Variants in GALNT7 observed in about 807,000 individuals in gnomAD.
The protein encoded by GALNT7 is polypeptide N-acetylgalactosaminyltransferase 7.
In GALNT7, 60 loss-of-function variants were observed where a neutral mutation model predicts 82.1. That is an observed-to-expected ratio of 0.73 (90% CI 0.59 to 0.91). The LOEUF (loss-of-function observed/expected upper bound fraction) is 0.91, where lower values mean the gene tolerates loss of function less well. Ranked by LOEUF, GALNT7 falls within the 40% of genes least tolerant of loss-of-function variation. GALNT7 has a pLI of 0.00. For missense variants in GALNT7, 660 were observed against 804.2 expected, an observed-to-expected ratio of 0.82 and a Z score of 2.17; for synonymous variants, 243 against 275.1, an observed-to-expected ratio of 0.88 and a Z score of 1.15.
intron 1 of GALNT7, among the ~76,000 whole-genome samples, chr4:173,242,820 C>A (rs889258785): frequency 1.3e-5 from 2 of 152,200 alleles, no homozygotes; most frequent in African/African-American, 4.8e-5. Flanking sequence ...TTTATTTTTA[C>A]CACCTCCCTC....
chr4:173,257,440 A>G (rs564996701), intron 2 of GALNT7, among the ~76,000 whole-genome samples: 132 of 152,366 alleles, frequency 8.7e-4, no homozygotes, highest in African/African-American at 3.0e-3. Flanking sequence ...GGTATATCAT[A>G]AATAGATTTA....
intron 1 of GALNT7, among the ~76,000 whole-genome samples, chr4:173,179,949 CT>C (rs770866106): frequency 2.6e-5 from 4 of 152,112 alleles, no homozygotes; most frequent in Admixed American, 2.6e-4. Context: ...ATTTTATATA[CT>C]TTTTATTAAC....
chr4:173,321,075 A>C lies in GALNT7; in HGVS notation c.1837-505A>C, dbSNP rs140630427. Among the ~76,000 whole-genome samples the C allele has an allele frequency of 1.1e-4, 16 of 152,288 alleles. No individual in the cohort carries two copies. The East Asian group carries it at 3.1e-3, about 29-fold the overall frequency. ...TACAGACCCAATCCTGGATAGTCTG[A>C]GGACCAGACTTTGAGAAGCTCTGAG... is the stretch of plus-strand genomic sequence containing the variant. On this transcript the variant is annotated intron_variant, in intron 11 of 11. Transcript: ENST00000265000.
chr4:173,305,334 C>A (rs1028534322), intron 8 of GALNT7, among the ~76,000 whole-genome samples: 1 of 152,174 alleles, frequency 6.6e-6, no homozygotes, highest in African/African-American at 2.4e-5. Flanking sequence ...CGGATATTAG[C>A]CCTTACCAGA....
chr4:173,201,161 C>A, intron 1 of GALNT7, among the ~76,000 whole-genome samples: 1 of 152,194 alleles, frequency 6.6e-6, no homozygotes, highest in African/African-American at 2.4e-5. Flanking sequence ...TTACATAAGA[C>A]CTTTTAGAAT....
At chr4:173,211,598 G>T (rs1478049013) in intron 1 of GALNT7, among the ~76,000 whole-genome samples, 2 of 152,196 alleles carry the variant, frequency 1.3e-5, no homozygotes, top group Non-Finnish European at 2.9e-5. Flanking sequence ...GGAGTTTCAA[G>T]TTACTCTTTA....
chr4:173,181,783 A>G (rs1732258320), intron 1 of GALNT7, among the ~76,000 whole-genome samples: 1 of 152,222 alleles, frequency 6.6e-6, no homozygotes, highest in Admixed American at 6.5e-5. Flanking sequence ...GTCAAAATAC[A>G]TATATACTGT....
chr4:173,178,273 A>G (rs1023276778), intron 1 of GALNT7, among the ~76,000 whole-genome samples: 1 of 152,170 alleles, frequency 6.6e-6, no homozygotes, highest in African/African-American at 2.4e-5. Flanking sequence ...TTTTTAGTAC[A>G]TTAATTTGAC....
intron 2 of GALNT7, among the ~76,000 whole-genome samples, chr4:173,262,801 A>G (rs1247802423): frequency 6.6e-6 from 1 of 152,218 alleles, no homozygotes; most frequent in Non-Finnish European, 1.5e-5. Context: ...TTTCATGCAT[A>G]CTTCCCATTT....
chr4:173,282,205 C>T (rs1338313058), intron 2 of GALNT7, among the ~76,000 whole-genome samples: 2 of 152,158 alleles, frequency 1.3e-5, no homozygotes, highest in Non-Finnish European at 2.9e-5. Flanking sequence ...AAGCACAAAG[C>T]GCCACTTCTC....
intron 1 of GALNT7, among the ~76,000 whole-genome samples, chr4:173,196,929 T>G (rs1579901264): frequency 1.3e-5 from 2 of 152,342 alleles, no homozygotes; most frequent in African/African-American, 4.8e-5. Flanking sequence ...GATGTTATCT[T>G]TATTCCTGTT....
intron 2 of GALNT7, among the ~76,000 whole-genome samples, chr4:173,288,638 C>T (rs1411558961): frequency 1.3e-5 from 2 of 152,054 alleles, no homozygotes; most frequent in African/African-American, 4.8e-5. Flanking sequence ...ATTCATTGGG[C>T]AGTGCTGAGC....
chr4:173,247,965 C>T lies in GALNT7; in HGVS notation c.127-15C>T, dbSNP rs757081793. The T allele has an allele frequency of 6.4e-6, 10 of 1,563,352 alleles. No individual in the cohort carries two copies. The South Asian group carries it at 1.0e-4, about 16-fold the overall frequency. The stretch of plus-strand genomic sequence containing the variant: ...CCTTCATGTACTCATTGTATATCCC[C>T]TCCCTTTTGTATAGGAAGACAGAGA... On this transcript the variant is annotated splice_polypyrimidine_tract_variant and intron_variant, in intron 1 of 11. Coordinates refer to ENST00000265000, the MANE Select transcript of GALNT7 (RefSeq NM_017423.3).
At chr4:173,179,313 A>G (rs1237255983) in intron 1 of GALNT7, among the ~76,000 whole-genome samples, 1 of 152,192 alleles carries the variant, frequency 6.6e-6, no homozygotes, top group Non-Finnish European at 1.5e-5. Flanking sequence ...AACTGTTTGT[A>G]TTAATAATTC....
chr4:173,278,310 GAAAT>G (rs564828278), intron 2 of GALNT7, among the ~76,000 whole-genome samples: 26 of 152,322 alleles, frequency 1.7e-4, no homozygotes, highest in South Asian at 1.5e-3. Context: ...GTGGAGAAGA[GAAAT>G]AAATATAGTT....
intron 1 of GALNT7, among the ~76,000 whole-genome samples, chr4:173,179,240 A>T (rs552752453): frequency 7.9e-5 from 12 of 152,244 alleles, no homozygotes; most frequent in Non-Finnish European, 1.3e-4. Flanking sequence ...GAAATTGCCA[A>T]AACTTTTTTG....
rs541169537 is a variant in GALNT7 at position 173,183,468 on chromosome 4, C to T, written c.126+14507C>T. 5.3e-5 allele frequency among the ~76,000 whole-genome samples: 8 copies of T among 150,640 alleles called. No homozygotes were observed. The East Asian group carries it at 7.7e-4, about 15-fold the overall frequency. On this transcript the variant is annotated intron_variant, in intron 1 of 11. Coordinates refer to ENST00000265000, the MANE Select transcript of GALNT7 (RefSeq NM_017423.3). ...AGGACTGCAAATTTTCCTGGGTTGA[C>T]GTGGGCTTAATTTTTTTTTTTTCCC...
At chr4:173,306,581 A>T (rs1737163087) in intron 8 of GALNT7, among the ~76,000 whole-genome samples, 1 of 152,172 alleles carries the variant, frequency 6.6e-6, no homozygotes, top group African/African-American at 2.4e-5. Context: ...AATTTTGTCA[A>T]ATGCCTTTTT....
In GALNT7 at chr4:173,323,253, TTTTAATTTAAG is replaced by T. The variant is rs1737887155; in HGVS notation, c.*1537_*1547del. The T allele has an allele frequency of 6.6e-6, 1 of 152,606 alleles. No homozygotes were observed. Among genetic ancestry groups the T allele is most frequent in the Non-Finnish European group, 1.5e-5 (1 of 67,996 alleles). 9.5% of individuals were successfully genotyped at this position (152,606 alleles called of 1,614,324 possible). A position where few individuals can be genotyped will look rare whatever the true frequency, so the allele number is the denominator to read the frequency against. ...AAACTACTGCCAGAGGAAGTTTGTT[TTTTAATTTAAG>T]AGGGAAATATAACCTATAAATTTGT... On this transcript the variant is annotated 3_prime_UTR_variant, in exon 12 of 12. Transcript: ENST00000265000.
Sources: allele counts gnomAD v4.1 joint callset (sites outside exome capture counted in the v4.1 genomes callset), GRCh38; gene constraint gnomAD v4.1.1; transcripts MANE v1.5; gene names NCBI Gene and HGNC (gene_info 2026-07-23, HGNC 2026-07-21).